The following PHF14 variants were observed in gnomAD, a reference collection of about 807,000 sequenced individuals.
PHF14 encodes PHD finger protein 14.
PHF14 carries 55 observed loss-of-function variants against 117.9 expected under a neutral mutation model. That is an observed-to-expected ratio of 0.47 (90% CI 0.38 to 0.58). The LOEUF is 0.58. Ranked by LOEUF, PHF14 falls within the 20% of genes least tolerant of loss-of-function variation. The pLI, the probability that PHF14 is intolerant of heterozygous loss-of-function variation, is 0.00. For synonymous variants in PHF14, 409 were observed against 368.6 expected, an observed-to-expected ratio of 1.11 and a Z score of -1.26; for missense variants, 978 against 1,122.2, an observed-to-expected ratio of 0.87 and a Z score of 1.84.
intron 6 of PHF14, among the ~76,000 whole-genome samples, chr7:11,023,813 G>A (rs1383161893): frequency 2.0e-5 from 3 of 152,110 alleles, no homozygotes; most frequent in Non-Finnish European, 2.9e-5. Flanking sequence ...GGGCGACAGA[G>A]TGAGACTCCA....
intron 3 of PHF14, among the ~76,000 whole-genome samples, chr7:10,985,278 T>C (rs1782178089): frequency 6.6e-6 from 1 of 152,192 alleles, no homozygotes; most frequent in African/African-American, 2.4e-5. Flanking sequence ...GTCCAATACA[T>C]AGTTAAGTAT....
chr7:11,054,703 C>G (rs916510796), intron 14 of PHF14, among the ~76,000 whole-genome samples: 6 of 151,990 alleles, frequency 3.9e-5, no homozygotes, highest in Admixed American at 6.6e-5. Context: ...TGTATAAATA[C>G]CTTTTGCAAT....
At chr7:11,059,190 A>G (rs1040643687) in intron 14 of PHF14, among the ~76,000 whole-genome samples, 2 of 152,170 alleles carry the variant, frequency 1.3e-5, no homozygotes, top group Non-Finnish European at 2.9e-5. Context: ...GAGAGTTTCA[A>G]TTGATGGAGT....
At chr7:11,142,201 T>C (rs538531133) in intron 17 of PHF14, among the ~76,000 whole-genome samples, 2 of 152,058 alleles carry the variant, frequency 1.3e-5, no homozygotes, top group Non-Finnish European at 2.9e-5. Context: ...AAACACATAT[T>C]ATCCCAACAT....
intron 13 of PHF14, among the ~76,000 whole-genome samples, chr7:11,050,235 A>G (rs1262668476): frequency 1.3e-5 from 2 of 152,290 alleles, no homozygotes; most frequent in Non-Finnish European, 2.9e-5. Flanking sequence ...CAAATCATAA[A>G]TCTTTGAAAA....
intron 17 of PHF14, among the ~76,000 whole-genome samples, chr7:11,147,263 T>C (rs1013271189): frequency 3.9e-5 from 6 of 152,188 alleles, no homozygotes; most frequent in Non-Finnish European, 8.8e-5. Context: ...ATAGGACATA[T>C]AAAATATAAC....
intron 16 of PHF14, among the ~76,000 whole-genome samples, chr7:11,068,966 A>G (rs1785518246): frequency 6.6e-6 from 1 of 152,098 alleles, no homozygotes; most frequent in Admixed American, 6.5e-5. Flanking sequence ...TTAAGAATGT[A>G]ATGTTTTTGA....
intron 4 of PHF14, among the ~76,000 whole-genome samples, chr7:10,995,031 T>C (rs28682560): frequency 0.11 from 16,756 of 152,142 alleles, 1,155 homozygotes; most frequent in African/African-American, 0.2. Context: ...AGGGTGCTGA[T>C]TGGTGTGTTT....
intron 11 of PHF14, among the ~76,000 whole-genome samples, chr7:11,040,454 A>T (rs564264426): frequency 6.6e-6 from 1 of 152,108 alleles, no homozygotes; most frequent in African/African-American, 2.4e-5. Context: ...TTAGTGTACC[A>T]CTGAAAATTG....
intron 17 of PHF14, among the ~76,000 whole-genome samples, chr7:11,145,049 A>G (rs1358482746): frequency 1.3e-5 from 2 of 152,004 alleles, no homozygotes; most frequent in African/African-American, 4.8e-5. Flanking sequence ...ACAACAATAT[A>G]AATATTTAAT....
intron 17 of PHF14, among the ~76,000 whole-genome samples, chr7:11,142,377 A>C (rs1788424969): frequency 6.6e-6 from 1 of 152,192 alleles, no homozygotes; most frequent in African/African-American, 2.4e-5. Context: ...TGTTCTGTTT[A>C]TATAGAATAA....
chr7:11,019,722 T>C (rs1234731210), intron 5 of PHF14, among the ~76,000 whole-genome samples: 5 of 152,168 alleles, frequency 3.3e-5, no homozygotes, highest in Non-Finnish European at 7.3e-5. Context: ...ATATGTTTTT[T>C]ATTTCAATTT....
intron 10 of PHF14, among the ~76,000 whole-genome samples, chr7:11,037,693 G>C (rs540876196): frequency 6.6e-6 from 1 of 152,244 alleles, no homozygotes; most frequent in South Asian, 2.1e-4. Context: ...TGGTTAAAAT[G>C]TTATACCAAG....
At chr7:11,076,697 A>G (rs995769307) in intron 16 of PHF14, among the ~76,000 whole-genome samples, 6 of 150,254 alleles carry the variant, frequency 4.0e-5, no homozygotes, top group Non-Finnish European at 5.9e-5. Context: ...CCTCCTGAGT[A>G]GCTGAGATTA....
At chr7:11,028,903 A>G (rs907258814) in intron 7 of PHF14, 85 bp downstream of exon 7, 7 of 1,121,298 alleles carry the variant, frequency 6.2e-6, no homozygotes, top group Non-Finnish European at 7.6e-6. Flanking sequence ...TAAATAATAA[A>G]AGAAATTTTA....
intron 16 of PHF14, among the ~76,000 whole-genome samples, chr7:11,101,268 T>C (rs901195365): frequency 6.6e-5 from 10 of 151,908 alleles, no homozygotes; most frequent in Admixed American, 2.0e-4. Flanking sequence ...CAAAGTGAAA[T>C]ACAAATACAT....
chr7:10,995,342 C>T (rs953953501), intron 4 of PHF14, among the ~76,000 whole-genome samples: 1 of 151,702 alleles, frequency 6.6e-6, no homozygotes, highest in Non-Finnish European at 1.5e-5. Flanking sequence ...GGTGCATTTA[C>T]AAGCCTTGCG....
At chr7:11,146,663 A>G (rs764395416) in intron 17 of PHF14, among the ~76,000 whole-genome samples, 48 of 152,198 alleles carry the variant, frequency 3.2e-4, no homozygotes, top group Admixed American at 1.6e-3. Flanking sequence ...TTACAAAAGC[A>G]TTTAGAGAAC....
chr7:11,077,555 C>A (rs1174686216), intron 16 of PHF14, among the ~76,000 whole-genome samples: 1 of 146,566 alleles, frequency 6.8e-6, no homozygotes, highest in African/African-American at 2.5e-5. Context: ...GAGCCCAGAT[C>A]GCGCCACTGC....
Sources: gnomAD v4.1 joint callset for allele counts (sites outside exome capture counted in the v4.1 genomes callset) on GRCh38, gnomAD v4.1.1 for gene constraint, MANE v1.5 for transcripts, NCBI Gene and HGNC (gene_info 2026-07-23, HGNC 2026-07-21) for gene names.